CMYA5: variants seen among roughly 807,000 people sequenced by gnomAD.
The protein encoded by CMYA5 is cardiomyopathy associated 5.
CMYA5 carries 246 observed loss-of-function variants against 318.9 expected under a neutral mutation model. That is an observed-to-expected ratio of 0.77 (90% confidence interval 0.70 to 0.86). The LOEUF (loss-of-function observed/expected upper bound fraction) is 0.86, where lower values mean the gene tolerates loss of function less well. Among genes scored for constraint, CMYA5 ranks in the 40% least tolerant of loss-of-function variants. CMYA5 has a pLI of 0.00. For missense variants in CMYA5, 4,589 were observed against 4,678.2 expected, an observed-to-expected ratio of 0.98 and a Z score of 0.56; for synonymous variants, 1,641 against 1,729.5, an observed-to-expected ratio of 0.95 and a Z score of 1.27.
chr5:79,703,434 T>G lies in CMYA5; in HGVS notation c.149+13378T>G, dbSNP rs192168359. Among the ~76,000 whole-genome samples, 521 of 152,354 alleles carry G rather than the reference T, an allele frequency of 3.4e-3. 1 individual carries two copies. Among genetic ancestry groups the G allele is most frequent in the Non-Finnish European group, 5.7e-3 (388 of 68,032 alleles). ...TTCACTCTGGCCTCAATATGACCTG[T>G]CTTACACACCTTGGTATTTCTGCTT... On this transcript the variant is annotated intron_variant, in intron 1 of 12. Coordinates refer to ENST00000446378, the MANE Select transcript of CMYA5 (RefSeq NM_153610.5).
At chr5:79,749,256 A>T (rs769993396) in intron 5 of CMYA5, among the ~76,000 whole-genome samples, 1 of 152,234 alleles carries the variant, frequency 6.6e-6, no homozygotes, top group Non-Finnish European at 1.5e-5. Context: ...TTGGTGAAGA[A>T]AGATGAACAA....
chr5:79,739,369 T>A lies in CMYA5; in HGVS notation c.10604T>A (p.Val3535Asp). ...KVFGTHKDHE[V>D]STLDTAISAV... ...TTTGGCACCCACAAAGACCATGAAG[T>A]TTCAACGCTTGACACAGCTATAAGT... The change falls in exon 2 of 13, where the codon GTT becomes GAT. Residue 3535 changes from valine (V) to aspartate (D), a missense_variant. Val to Asp is a radical substitution (Grantham distance 152). Coordinates refer to ENST00000446378, the MANE Select transcript of CMYA5 (RefSeq NM_153610.5). 1 of 1,554,958 alleles carries A rather than the reference T, an allele frequency of 6.4e-7. No homozygotes were observed. Among genetic ancestry groups the A allele is most frequent in the Non-Finnish European group, 8.7e-7 (1 of 1,150,294 alleles).
Position 79,736,363 on chromosome 5 carries a change from C to T in CMYA5, c.7598C>T (p.Ser2533Phe), listed in dbSNP as rs1299437730. The T allele has an allele frequency of 6.2e-7, 1 of 1,613,286 alleles. No individual in the cohort carries two copies. The highest frequency in any genetic ancestry group is 2.2e-5 in the East Asian group (1 of 44,844). The change falls in exon 2 of 13, where the codon TCT becomes TTT. Residue 2533 changes from serine to phenylalanine, a missense_variant. By Grantham distance (155) the Ser-to-Phe change is radical. Coordinates refer to ENST00000446378, the MANE Select transcript of CMYA5 (RefSeq NM_153610.5). ...YNERPKIIVGSEKEKGEEKEN... is the reference protein window; with the variant it reads ...YNERPKIIVGFEKEKGEEKEN... ...GAAAGACCCAAAATCATTGTTGGTT[C>T]TGAAAAGGAGAAAGGTGAAGAAAAA...
chr5:79,758,632 T>C, intron 6 of CMYA5, 121 bp from the exon 7 acceptor site: 1 of 628,490 alleles, frequency 1.6e-6, no homozygotes, highest in Non-Finnish European at 2.4e-6. Context: ...AAGAGAGCCC[T>C]TCTACTTTTA....
At chr5:79,721,595 G>T (rs1007913648) in intron 1 of CMYA5, among the ~76,000 whole-genome samples, 4 of 152,002 alleles carry the variant, frequency 2.6e-5, no homozygotes, top group Admixed American at 2.6e-4. Flanking sequence ...AATGCAAAAA[G>T]ATATTTCATG....
chr5:79,700,355 G>A (rs949541563), intron 1 of CMYA5, among the ~76,000 whole-genome samples: 2 of 143,782 alleles, frequency 1.4e-5, no homozygotes, highest in Non-Finnish European at 1.5e-5. Context: ...TCGCCAGTTA[G>A]TTTTGATTTG....
intron 8 of CMYA5, 113 bp downstream of exon 8, chr5:79,762,070 C>A: frequency 8.3e-7 from 1 of 1,205,036 alleles, no homozygotes; most frequent in Non-Finnish European, 1.1e-6. Context: ...GAGTGTTGTG[C>A]AAAGTGCTGG....
chr5:79,734,849 T>C lies in CMYA5; in HGVS notation c.6084T>C (p.Leu2028=), dbSNP rs190289778. 9.9e-6 allele frequency: 16 copies of C among 1,613,736 alleles called. No individual in the cohort carries two copies. In the African/African-American group the frequency reaches 2.0e-4, roughly 20 times the overall value. Residue 2028 remains leucine, a synonymous_variant, in exon 2 of 13, where the codon CTT becomes CTC. Coordinates refer to ENST00000446378, the MANE Select transcript of CMYA5 (RefSeq NM_153610.5). ...TATTGGAGAAAGCAAACACAGAGCT[T>C]TCCTGGCCTTCCAAAGAAGATAGCC... ...SLLLEKANTE[L]SWPSKEDSQE... is the part of the protein sequence containing the mutation.
intron 9 of CMYA5, among the ~76,000 whole-genome samples, chr5:79,785,192 C>T (rs781454238): frequency 6.6e-6 from 1 of 152,030 alleles, no homozygotes; most frequent in African/African-American, 2.4e-5. Flanking sequence ...CAGGACCATA[C>T]TGGTTTTATT....
chr5:79,739,092 T>A lies in CMYA5; in HGVS notation c.10327T>A (p.Ser3443Thr). The A allele has an allele frequency of 6.2e-7, 1 of 1,613,886 alleles. No individual in the cohort carries two copies. The highest frequency in any genetic ancestry group is 1.3e-5 in the African/African-American group (1 of 75,026). ...PQDILSEELS[S>T]ESTPEDVLSQ... is the part of the protein sequence containing the mutation. The stretch of plus-strand genomic sequence containing the variant: ...AGACATATTATCAGAAGAACTGTCT[T>A]CAGAATCCACACCTGAAGATGTCTT... Residue 3443 changes from serine to threonine, a missense_variant, in exon 2 of 13, where the codon TCA becomes ACA. Physicochemically the swap from Ser to Thr is moderately conservative, Grantham distance 58. Around this residue, in one of 3 missense-constraint regions of CMYA5, gnomAD observed 2,431 missense variants for 2,495.1 expected, o/e 0.97. Transcript: ENST00000446378.
Position 79,729,850 on chromosome 5 carries a change from CAG to C in CMYA5, c.1086_1087del (p.Val363AlafsTer7), listed in dbSNP as rs1232959749. ...GGAATACAGCTCAGGCATTCACAGT[CAG>C]TGCCACAACAGCCAGAAGATGAAGC... On this transcript the variant is annotated frameshift_variant, in exon 2 of 13. Transcript: ENST00000446378. LOFTEE classifies it high-confidence loss of function. The C allele has an allele frequency of 1.2e-6, 2 of 1,612,482 alleles. No individual in the cohort carries two copies. The highest frequency in any genetic ancestry group is 2.2e-5 in the East Asian group (1 of 44,844).
At chr5:79,739,473 C>G in intron 2 of CMYA5, 70 bp downstream of exon 2, 1 of 1,162,592 alleles carries the variant, frequency 8.6e-7, no homozygotes, top group Non-Finnish European at 1.1e-6. Flanking sequence ...TACATTTTCT[C>G]AATTTTAAAG....
chr5:79,738,949 C>T lies in CMYA5; in HGVS notation c.10184C>T (p.Ser3395Leu). ...ASGATHVQETSLEEPKILVPP... is the reference protein window; with the variant it reads ...ASGATHVQETLLEEPKILVPP... ...GGTGCAACTCATGTTCAAGAAACAT[C>T]ACTAGAAGAACCTAAAATCCTGGTC... Residue 3395 changes from serine (S) to leucine (L), a missense_variant, in exon 2 of 13, where the codon TCA (serine) becomes TTA (leucine). By Grantham distance (145) the Ser-to-Leu change is moderately radical. Coordinates refer to ENST00000446378, the MANE Select transcript of CMYA5 (RefSeq NM_153610.5). 1 of 1,613,894 alleles carries T rather than the reference C, an allele frequency of 6.2e-7. No individual in the cohort carries two copies. The highest frequency in any genetic ancestry group is 8.5e-7 in the Non-Finnish European group (1 of 1,179,852).
In CMYA5 at chr5:79,736,077, T is replaced by G; in HGVS notation, c.7312T>G (p.Ser2438Ala). 1 of 1,612,330 alleles carries G rather than the reference T, an allele frequency of 6.2e-7. No individual in the cohort carries two copies. Among genetic ancestry groups the G allele is most frequent in the Non-Finnish European group, 8.5e-7 (1 of 1,179,526 alleles). The change falls in exon 2 of 13, where the codon TCC (serine) becomes GCC (alanine). Residue 2438 changes from serine (S) to alanine (A), a missense_variant. Around this residue, in one of 3 missense-constraint regions of CMYA5, gnomAD observed 2,431 missense variants for 2,495.1 expected, o/e 0.97. Coordinates refer to ENST00000446378, the MANE Select transcript of CMYA5 (RefSeq NM_153610.5). ...CAAGAAAGAAATGCAAAATCCTACT[T>G]CCTTGAAAATTTCTGAAGAGGAAAC... ...RLKKEMQNPT[S>A]LKISEEETKL...
intron 12 of CMYA5, 137 bp from the exon 13 acceptor site, chr5:79,799,233 T>C (rs1182630603): frequency 9.8e-6 from 8 of 817,210 alleles, no homozygotes; most frequent in Non-Finnish European, 1.5e-5. Context: ...TAGTGAAGTA[T>C]TTGGGACAGC....
chr5:79,738,233 T>TTTA lies in CMYA5; in HGVS notation c.9471_9473dup (p.Leu3157dup). 6.2e-7 allele frequency: 1 copy of TTTA among 1,613,756 alleles called. No homozygotes were observed. The highest frequency in any genetic ancestry group is 1.7e-5 in the Admixed American group (1 of 59,972). ...TGGACTCAAAGTCACCGGGGATGCC[T>TTTA]TTATTTGAAGCAGAGGAAGGAGTTC... On this transcript the variant is annotated inframe_insertion, in exon 2 of 13. Coordinates refer to ENST00000446378, the MANE Select transcript of CMYA5 (RefSeq NM_153610.5).
intron 9 of CMYA5, among the ~76,000 whole-genome samples, chr5:79,774,656 G>C (rs1828908921): frequency 1.3e-5 from 2 of 152,130 alleles, no homozygotes. Context: ...ACACTCCCGG[G>C]GCCATCCTCC....
chr5:79,701,090 C>CCAAAAAAAAG (rs55791310), intron 1 of CMYA5, among the ~76,000 whole-genome samples: 1 of 114,926 alleles, frequency 8.7e-6, no homozygotes, highest in Non-Finnish European at 1.9e-5. Flanking sequence ...ACTAAAAATA[C>CCAAAAAAAAG]AAAAAAAAAA....
chr5:79,795,976 G>C (rs1829267618), intron 12 of CMYA5, among the ~76,000 whole-genome samples: 1 of 152,248 alleles, frequency 6.6e-6, no homozygotes, highest in South Asian at 2.1e-4. Context: ...CCAGAGTTGA[G>C]GTTAGTGGAA....
Sources: gnomAD v4.1 joint callset for allele counts (sites outside exome capture counted in the v4.1 genomes callset) on GRCh38, gnomAD v4.1.1 for gene constraint, gnomAD v4.1.1 regional missense constraint, MANE v1.5 for transcripts, NCBI Gene and HGNC (gene_info 2026-07-23, HGNC 2026-07-21) for gene names.